FRY: variants seen among roughly 807,000 people sequenced by gnomAD.
FRY encodes FRY microtubule binding protein, also known as protein furry homolog.
A neutral mutation model predicts 348.4 loss-of-function variants in FRY; 128 were observed. That is an observed-to-expected ratio of 0.37 (90% CI 0.32 to 0.43). The LOEUF (loss-of-function observed/expected upper bound fraction) is 0.43, where lower values mean the gene tolerates loss of function less well. Ranked by LOEUF, FRY falls within the 20% of genes least tolerant of loss-of-function variation. The pLI is 1.00. For missense variants in FRY, 2,736 were observed against 3,695.2 expected (o/e 0.74, Z 6.73); for synonymous variants, 1,370 against 1,374.7 (o/e 1.00, Z 0.08).
chr13:32,089,716 A>G (rs1273519976), intron 2 of FRY, among the ~76,000 whole-genome samples: 1 of 152,130 alleles, frequency 6.6e-6, no homozygotes, highest in African/African-American at 2.4e-5. Flanking sequence ...TGTTAACACC[A>G]CTGCTCTCCA....
intron 7 of FRY, among the ~76,000 whole-genome samples, chr13:32,127,072 AC>A (rs942018702): frequency 6.6e-6 from 1 of 152,188 alleles, no homozygotes; most frequent in African/African-American, 2.4e-5. Flanking sequence ...AGTGTTATTC[AC>A]CCATAATATT....
chr13:32,188,470 G>C (rs1566119734), intron 28 of FRY, among the ~76,000 whole-genome samples: 1 of 152,126 alleles, frequency 6.6e-6, no homozygotes, highest in East Asian at 1.9e-4. Flanking sequence ...TTGATGAGAA[G>C]AATTAGCAGG....
At chr13:32,286,296 C>A (rs916651589) in intron 58 of FRY, among the ~76,000 whole-genome samples, 9 of 151,950 alleles carry the variant, frequency 5.9e-5, no homozygotes, top group African/African-American at 2.2e-4. Flanking sequence ...CTGTTAGGTC[C>A]TTAAATATTT....
chr13:32,197,907 T>G (rs985929324), intron 29 of FRY, among the ~76,000 whole-genome samples: 6 of 152,244 alleles, frequency 3.9e-5, no homozygotes, highest in Admixed American at 3.9e-4. Flanking sequence ...TTTTATCATT[T>G]GATTTTTATT....
Position 32,231,292 on chromosome 13 carries a change from C to A in FRY, c.5519C>A (p.Ser1840Tyr), listed in dbSNP as rs201934314. 107 of 1,613,154 alleles carry A rather than the reference C, an allele frequency of 6.6e-5. No homozygotes were observed. The highest frequency in any genetic ancestry group is 8.2e-5 in the Non-Finnish European group (97 of 1,179,372). Residue 1840 changes from serine to tyrosine, a missense_variant, in exon 41 of 61, where the codon TCC becomes TAC. Ser to Tyr is a moderately radical substitution (Grantham distance 144, BLOSUM62 -2). Around this residue, in one of 9 missense-constraint regions of FRY, gnomAD observed 794 missense variants for 977.0 expected, o/e 0.81. Coordinates refer to ENST00000542859, the MANE Select transcript of FRY (RefSeq NM_023037.3). ...CACGTTGTATCTGTATTTAAAGATT[C>A]CAAATCAGGTACTTCATCTTATTTG... ...LRHVVSVFKDSKSGFHLEHQL... is the reference protein window; with the variant it reads ...LRHVVSVFKDYKSGFHLEHQL...
intron 2 of FRY, among the ~76,000 whole-genome samples, chr13:32,079,466 G>C (rs1460352044): frequency 6.6e-6 from 1 of 152,144 alleles, no homozygotes; most frequent in Non-Finnish European, 1.5e-5. Context: ...CTTCGAGTTT[G>C]AGAAGTTAAG....
At position 32,159,067 on chromosome 13, in the gene FRY, C is replaced by T. The variant is rs113098048; in HGVS notation, c.1784+1662C>T. Among the ~76,000 whole-genome samples, 1,057 of 147,538 alleles carry T rather than the reference C, an allele frequency of 7.2e-3. 11 individuals are homozygous for T. Among genetic ancestry groups the T allele is most frequent in the African/African-American group, 0.025 (1,012 of 40,032 alleles). Reference sequence around the variant, plus strand: ...TTATATTCAAAATCATAAAAAGGTACATGTTTAAATGTAAACATTTTATTT... The same window carrying T: ...TTATATTCAAAATCATAAAAAGGTATATGTTTAAATGTAAACATTTTATTT... On this transcript the variant is annotated intron_variant, in intron 16 of 60. Transcript: ENST00000542859.
At chr13:32,258,303 T>C (rs536569882) in intron 51 of FRY, among the ~76,000 whole-genome samples, 119 of 152,346 alleles carry the variant, frequency 7.8e-4, no homozygotes, top group Non-Finnish European at 1.4e-3. Flanking sequence ...ATGGGTTTTA[T>C]TGTTAAATTC....
chr13:32,197,660 A>G (rs1477875902), intron 29 of FRY, among the ~76,000 whole-genome samples: 2 of 152,262 alleles, frequency 1.3e-5, no homozygotes, highest in Non-Finnish European at 1.5e-5. Context: ...CAAATGGTAA[A>G]TACCCCATAA....
At position 32,260,612 on chromosome 13, in the gene FRY, C is replaced by G. The variant is rs556504839; in HGVS notation, c.7417-1004C>G. Among the ~76,000 whole-genome samples the G allele has an allele frequency of 3.9e-5, 6 of 152,302 alleles. No homozygotes were observed. In the South Asian group the frequency reaches 1.2e-3, roughly 32 times the overall value. On this transcript the variant is annotated intron_variant, in intron 51 of 60. Coordinates refer to ENST00000542859, the MANE Select transcript of FRY (RefSeq NM_023037.3). ...ATTTGGGGCCGGGTGCAGTGGCTCA[C>G]GCCTGTAATCTCAGCACTTTGGGAG... is the stretch of plus-strand genomic sequence containing the variant.
At position 32,204,743 on chromosome 13, in the gene FRY, C is replaced by T. The variant is rs917076085; in HGVS notation, c.4018+2216C>T. 2.0e-5 allele frequency among the ~76,000 whole-genome samples: 3 copies of T among 152,308 alleles called. No homozygotes were observed. In the East Asian group the frequency reaches 5.8e-4, roughly 29 times the overall value. On this transcript the variant is annotated intron_variant, in intron 31 of 60. Transcript: ENST00000542859. ...AACAGTGGAGAGACCCAATAAAAGC[C>T]TTTTTAGTAAATTAATTCTCTTCTT...
At chr13:32,266,891 C>T (rs753936031) in intron 54 of FRY, among the ~76,000 whole-genome samples, 1 of 152,128 alleles carries the variant, frequency 6.6e-6, no homozygotes, top group Middle Eastern at 3.4e-3. Context: ...GACTGAGGCA[C>T]GAGAATTGCT....
intron 29 of FRY, among the ~76,000 whole-genome samples, chr13:32,194,700 A>C (rs1214514928): frequency 6.6e-6 from 1 of 152,174 alleles, no homozygotes; most frequent in Non-Finnish European, 1.5e-5. Context: ...TTTTAAACTC[A>C]CTTTACCCAA....
At chr13:32,225,645 G>C in intron 38 of FRY, 144 bp from the exon 39 acceptor site, 1 of 757,012 alleles carries the variant, frequency 1.3e-6, no homozygotes, top group Non-Finnish European at 2.4e-6. Flanking sequence ...CCCAACTCCT[G>C]TATGTTGGTA....
chr13:32,207,330 A>C (rs1270611615), intron 31 of FRY, among the ~76,000 whole-genome samples: 1 of 152,042 alleles, frequency 6.6e-6, no homozygotes, highest in Non-Finnish European at 1.5e-5. Context: ...GAGTCTTTGC[A>C]CCCAGAAGTC....
At chr13:32,169,302 T>C (rs1285013307) in intron 17 of FRY, among the ~76,000 whole-genome samples, 1 of 152,222 alleles carries the variant, frequency 6.6e-6, no homozygotes, top group Non-Finnish European at 1.5e-5. Flanking sequence ...GTGAATCTAA[T>C]CATGTTTCTT....
chr13:32,273,346 C>G (rs895181536), intron 55 of FRY, among the ~76,000 whole-genome samples: 8 of 150,192 alleles, frequency 5.3e-5, no homozygotes, highest in African/African-American at 1.7e-4. Context: ...CCTCAGCCTC[C>G]CGAGTAGCTG....
intron 4 of FRY, among the ~76,000 whole-genome samples, chr13:32,119,742 C>T (rs1878533061): frequency 6.6e-6 from 1 of 152,144 alleles, no homozygotes; most frequent in Admixed American, 6.5e-5. Context: ...TCCTTTCCCC[C>T]AGCTCGCAGT....
intron 51 of FRY, among the ~76,000 whole-genome samples, chr13:32,259,860 A>G (rs893555518): frequency 6.6e-6 from 1 of 152,222 alleles, no homozygotes; most frequent in African/African-American, 2.4e-5. Flanking sequence ...ACCAAAAAAA[A>G]AGAAAAAAAC....
Sources: gnomAD v4.1 joint callset for allele counts (sites outside exome capture counted in the v4.1 genomes callset) on GRCh38, gnomAD v4.1.1 for gene constraint, gnomAD v4.1.1 regional missense constraint, MANE v1.5 for transcripts, NCBI Gene and HGNC (gene_info 2026-07-23, HGNC 2026-07-21) for gene names.